The following APOOL variants were observed in gnomAD, a reference collection of about 807,000 sequenced individuals.
The protein encoded by APOOL is MICOS complex subunit MIC27.
A neutral mutation model predicts 23.1 loss-of-function variants in APOOL; 12 were observed. That is an observed-to-expected ratio of 0.52 (90% CI 0.33 to 0.84). The LOEUF (loss-of-function observed/expected upper bound fraction) is 0.84. Ranked by LOEUF, APOOL falls within the 40% of genes least tolerant of loss-of-function variation. The pLI, the probability that APOOL is intolerant of heterozygous loss-of-function variation, is 0.02. For missense variants in APOOL, 212 were observed against 199.6 expected, an observed-to-expected ratio of 1.06 and a Z score of -0.37; for synonymous variants, 77 against 69.9, an observed-to-expected ratio of 1.10 and a Z score of -0.51.
chrX:85,039,385 G>T (rs1922335453), intron 1 of APOOL, among the ~76,000 whole-genome samples: 2 of 110,809 alleles, frequency 1.8e-5, no homozygotes, highest in African/African-American at 6.6e-5. Flanking sequence ...TGTATATTCT[G>T]TTTTTGTTGG....
chrX:85,083,077 A>C (rs1453173554), intron 8 of APOOL, among the ~76,000 whole-genome samples: 1 of 111,057 alleles, frequency 9.0e-6, no homozygotes, highest in Non-Finnish European at 1.9e-5. Context: ...ATGCCTGACT[A>C]GATTGAGATG....
intron 1 of APOOL, among the ~76,000 whole-genome samples, chrX:85,029,838 C>T (rs1302536722): frequency 8.9e-6 from 1 of 111,895 alleles, no homozygotes; most frequent in Non-Finnish European, 1.9e-5. Context: ...CAAGAATGGC[C>T]ATAATTAAAA....
Position 85,088,947 on chromosome X carries a change from T to C in APOOL, c.*1269T>C, listed in dbSNP as rs1311275122. On this transcript the variant is annotated 3_prime_UTR_variant, in exon 9 of 9. Transcript: ENST00000373173. ...AATAACAAAACAAGACAAAAACCTT[T>C]CCTTAACTTGGCCTCTTCCCTTGAA... 5 of 111,832 alleles carry C rather than the reference T, an allele frequency of 4.5e-5. No individual in the cohort carries two copies. The highest frequency in any genetic ancestry group is 6.5e-5 in the African/African-American group (2 of 30,749). 9.2% of individuals were successfully genotyped at this position (111,832 alleles called of 1,213,427 possible). A position where few individuals can be genotyped will look rare whatever the true frequency, so the allele number is the denominator to read the frequency against.
intron 2 of APOOL, among the ~76,000 whole-genome samples, chrX:85,049,699 ATTG>A (rs780324171): frequency 9.0e-6 from 1 of 110,621 alleles, no homozygotes; most frequent in African/African-American, 3.3e-5. Flanking sequence ...AGGTGAGAGG[ATTG>A]CTTGAGCCCG....
chrX:85,004,087 A>G (rs989358376), intron 1 of APOOL, among the ~76,000 whole-genome samples, 160 bp downstream of exon 1: 2 of 111,157 alleles, frequency 1.8e-5, no homozygotes, highest in African/African-American at 3.3e-5. Context: ...GCCTCAAGAC[A>G]CCTGCCTTTC....
At chrX:85,013,534 A>G (rs1305657690) in intron 1 of APOOL, among the ~76,000 whole-genome samples, 1 of 111,474 alleles carries the variant, frequency 9.0e-6, no homozygotes, top group Non-Finnish European at 1.9e-5. Context: ...ACTGTTATTC[A>G]GGTCAAAGAC....
chrX:85,014,468 A>G (rs964487949), intron 1 of APOOL, among the ~76,000 whole-genome samples: 2 of 109,121 alleles, frequency 1.8e-5, no homozygotes, highest in East Asian at 5.7e-4. Context: ...TTTTCTTTCA[A>G]GATTTAGAAC....
Position 85,091,302 on chromosome X carries a change from A to T in APOOL, c.*3624A>T, listed in dbSNP as rs2147675350. ...ATATAATATGTCTTAGATTTGATGA[A>T]ATATGAGTGTGTTTGAGATCTGATC... On this transcript the variant is annotated 3_prime_UTR_variant, in exon 9 of 9. Transcript: ENST00000373173. 8.9e-6 allele frequency: 1 copy of T among 112,677 alleles called. No individual in the cohort carries two copies. Among genetic ancestry groups the T allele is most frequent in the Admixed American group, 9.4e-5 (1 of 10,692 alleles). The allele number at this position is 112,677 out of a possible 1,213,427, so 9.3% of individuals were successfully genotyped here.
chrX:85,050,987 T>C (rs1047622827), intron 2 of APOOL, among the ~76,000 whole-genome samples: 1 of 111,293 alleles, frequency 9.0e-6, no homozygotes, highest in African/African-American at 3.3e-5. Context: ...GCTGTAATTT[T>C]TATATTTACC....
intron 8 of APOOL, among the ~76,000 whole-genome samples, chrX:85,084,134 CTTTTT>C (rs35647720): frequency 1.2e-5 from 1 of 83,841 alleles, no homozygotes. Context: ...TGAGATGAAG[CTTTTT>C]TTTTTTTTTT....
intron 8 of APOOL, among the ~76,000 whole-genome samples, chrX:85,080,634 C>T (rs1474156155): frequency 9.0e-6 from 1 of 111,338 alleles, no homozygotes. Flanking sequence ...GAGTTCAAGT[C>T]CTGGATATCC....
intron 1 of APOOL, among the ~76,000 whole-genome samples, chrX:85,027,198 C>T (rs1335034256): frequency 9.0e-6 from 1 of 110,678 alleles, no homozygotes; most frequent in African/African-American, 3.3e-5. Flanking sequence ...CAAGAGAAGT[C>T]GGGGGAGGGA....
chrX:85,062,033 A>C (rs772946434), intron 5 of APOOL, among the ~76,000 whole-genome samples: 2 of 110,412 alleles, frequency 1.8e-5, no homozygotes, highest in Admixed American at 9.7e-5. Context: ...ATAAATTTCC[A>C]TCTACACACT....
intron 6 of APOOL, among the ~76,000 whole-genome samples, chrX:85,069,526 C>T (rs1464886170): frequency 9.8e-6 from 1 of 101,531 alleles, no homozygotes; most frequent in African/African-American, 3.7e-5. Context: ...ACGAGAATCA[C>T]ATGAACCCAG....
chrX:85,019,325 A>C (rs1187168493), intron 1 of APOOL, among the ~76,000 whole-genome samples: 1 of 112,211 alleles, frequency 8.9e-6, no homozygotes, highest in Admixed American at 9.4e-5. Context: ...TGCCCCCATA[A>C]TAGAGATTGA....
intron 1 of APOOL, among the ~76,000 whole-genome samples, chrX:85,023,075 T>G (rs1449629365): frequency 8.9e-6 from 1 of 112,007 alleles, no homozygotes; most frequent in Non-Finnish European, 1.9e-5. Context: ...ATGAGCCAAA[T>G]AAACCTTTTT....
chrX:85,060,427 T>C (rs1602777044), intron 5 of APOOL, among the ~76,000 whole-genome samples: 1 of 107,381 alleles, frequency 9.3e-6, no homozygotes, highest in East Asian at 2.9e-4. Context: ...AAGTCATTGG[T>C]AGCTTGATGG....
intron 1 of APOOL, among the ~76,000 whole-genome samples, chrX:85,013,566 T>A (rs748262960): frequency 8.9e-6 from 1 of 112,025 alleles, no homozygotes; most frequent in East Asian, 2.8e-4. Flanking sequence ...CCATCTTAAT[T>A]TCATTGTTGG....
intron 1 of APOOL, among the ~76,000 whole-genome samples, chrX:85,036,453 A>G (rs1203964186): frequency 9.0e-6 from 1 of 111,107 alleles, no homozygotes; most frequent in African/African-American, 3.3e-5. Flanking sequence ...ATTTGGATCA[A>G]TTTTATATAT....
Sources: gnomAD v4.1 joint callset for allele counts (sites outside exome capture counted in the v4.1 genomes callset) on GRCh38, gnomAD v4.1.1 for gene constraint, MANE v1.5 for transcripts, NCBI Gene and HGNC (gene_info 2026-07-23, HGNC 2026-07-21) for gene names.